Variants in KCND2 observed in about 807,000 individuals in gnomAD.
KCND2 encodes potassium voltage-gated channel subfamily D member 2, also known as A-type voltage-gated potassium channel KCND2.
KCND2 carries 16 observed loss-of-function variants against 54.4 expected under a neutral mutation model. The observed-to-expected ratio is 0.29, with a 90% CI of 0.20 to 0.45. The LOEUF (loss-of-function observed/expected upper bound fraction) is 0.45. Among genes scored for constraint, KCND2 ranks in the 20% least tolerant of loss-of-function variants. KCND2 has a pLI of 1.00. For synonymous variants in KCND2, 317 were observed against 310.7 expected (o/e 1.02, Z -0.21); for missense variants, 486 against 824.2 (o/e 0.59, Z 5.02).
Position 120,275,085 on chromosome 7 carries a change from C to T in KCND2, c.453C>T (p.Asp151=). 6.2e-7 allele frequency: 1 copy of T among 1,613,798 alleles called. No homozygotes were observed. The highest frequency in any genetic ancestry group is 8.5e-7 in the Non-Finnish European group (1 of 1,179,950). ...AGAACGCCGAGCGCCTGCAGGACGACGCGGATACCGACACCGCTGGGGAGA... is the reference window on the plus strand; with the variant it reads ...AGAACGCCGAGCGCCTGCAGGACGATGCGGATACCGACACCGCTGGGGAGA... The part of the protein sequence containing the change: ...RRENAERLQD[D]ADTDTAGESA... The change falls in exon 1 of 6, where the codon GAC becomes GAT. Residue 151 remains aspartate, a synonymous_variant. Coordinates refer to ENST00000331113, the MANE Select transcript of KCND2 (RefSeq NM_012281.3).
At chr7:120,435,270 CTT>C (rs533084445) in intron 1 of KCND2, among the ~76,000 whole-genome samples, 50 of 132,806 alleles carry the variant, frequency 3.8e-4, no homozygotes, top group South Asian at 4.9e-4. Context: ...CCATGCCTGG[CTT>C]TTTTTTTTTT....
intron 1 of KCND2, among the ~76,000 whole-genome samples, chr7:120,635,601 C>G (rs535197069): frequency 7.1e-4 from 108 of 152,272 alleles, no homozygotes; most frequent in Non-Finnish European, 1.4e-3. Context: ...CTCTGAAACA[C>G]ATATGTATCC....
At chr7:120,409,979 A>AATCT (rs1364638632) in intron 1 of KCND2, among the ~76,000 whole-genome samples, 1 of 151,830 alleles carries the variant, frequency 6.6e-6, no homozygotes, top group Non-Finnish European at 1.5e-5. Flanking sequence ...AAGTCACATA[A>AATCT]ATCTATGTTT....
At chr7:120,295,117 C>G (rs1175316686) in intron 1 of KCND2, among the ~76,000 whole-genome samples, 1 of 151,840 alleles carries the variant, frequency 6.6e-6, no homozygotes, top group Non-Finnish European at 1.5e-5. Flanking sequence ...AGTAAGAATT[C>G]GTATTGATGC....
At chr7:120,654,079 A>G (rs940836252) in intron 1 of KCND2, among the ~76,000 whole-genome samples, 2 of 152,290 alleles carry the variant, frequency 1.3e-5, no homozygotes, top group Non-Finnish European at 2.9e-5. Flanking sequence ...ATTATTTGCA[A>G]TGATGATAAT....
intron 1 of KCND2, among the ~76,000 whole-genome samples, chr7:120,347,083 T>C (rs181333147): frequency 6.6e-6 from 1 of 152,274 alleles, no homozygotes; most frequent in Non-Finnish European, 1.5e-5. Context: ...AACATTTACC[T>C]TAACAGTTAA....
chr7:120,340,436 T>C (rs1800224189), intron 1 of KCND2, among the ~76,000 whole-genome samples: 1 of 152,162 alleles, frequency 6.6e-6, no homozygotes, highest in African/African-American at 2.4e-5. Flanking sequence ...GAAAGAATCT[T>C]AGTGGAGTAA....
intron 1 of KCND2, among the ~76,000 whole-genome samples, chr7:120,678,214 C>T (rs1324563572): frequency 6.6e-6 from 1 of 151,530 alleles, no homozygotes; most frequent in East Asian, 1.9e-4. Context: ...ACATCGCTTA[C>T]ATTTATACTA....
chr7:120,523,283 A>G (rs911481180), intron 1 of KCND2, among the ~76,000 whole-genome samples: 6 of 152,294 alleles, frequency 3.9e-5, no homozygotes, highest in African/African-American at 1.4e-4. Context: ...AAATAATTTT[A>G]TGCAAAAATA....
chr7:120,562,597 T>G (rs1339422276), intron 1 of KCND2, among the ~76,000 whole-genome samples: 1 of 152,178 alleles, frequency 6.6e-6, no homozygotes, highest in Non-Finnish European at 1.5e-5. Flanking sequence ...TCTTCATGTT[T>G]GTATAAAAGA....
intron 1 of KCND2, among the ~76,000 whole-genome samples, chr7:120,586,182 C>T (rs1021231492): frequency 2.0e-5 from 3 of 151,770 alleles, no homozygotes; most frequent in Non-Finnish European, 4.4e-5. Context: ...CACACACACA[C>T]AAACACACAC....
At chr7:120,478,113 T>C (rs561741255) in intron 1 of KCND2, among the ~76,000 whole-genome samples, 1 of 152,286 alleles carries the variant, frequency 6.6e-6, no homozygotes, top group South Asian at 2.1e-4. Flanking sequence ...TTTGGAGTAA[T>C]TTGGAGCAAA....
chr7:120,434,818 G>GAA (rs57286411), intron 1 of KCND2, among the ~76,000 whole-genome samples: 2 of 147,350 alleles, frequency 1.4e-5, no homozygotes, highest in South Asian at 2.2e-4. Context: ...GATCCTAGAG[G>GAA]AAAAAAAAAA....
intron 1 of KCND2, among the ~76,000 whole-genome samples, chr7:120,685,977 A>C (rs927766140): frequency 4.1e-4 from 63 of 152,298 alleles, no homozygotes; most frequent in Middle Eastern, 6.8e-3. Flanking sequence ...CAAGTGACTG[A>C]AGATCCTCCC....
intron 1 of KCND2, among the ~76,000 whole-genome samples, chr7:120,347,041 C>CTT (rs374060282): frequency 2.2e-4 from 33 of 148,064 alleles, no homozygotes; most frequent in African/African-American, 8.2e-4. Flanking sequence ...TCTCATGGCT[C>CTT]TTTTTTTTTT....
intron 1 of KCND2, among the ~76,000 whole-genome samples, chr7:120,599,246 A>G (rs539756747): frequency 6.6e-6 from 1 of 152,116 alleles, no homozygotes; most frequent in Non-Finnish European, 1.5e-5. Flanking sequence ...GTCTTGAAAT[A>G]AGATGAATTC....
At chr7:120,426,592 T>G (rs373964522) in intron 1 of KCND2, among the ~76,000 whole-genome samples, 7 of 143,336 alleles carry the variant, frequency 4.9e-5, no homozygotes, top group South Asian at 2.2e-4. Flanking sequence ...TTCTTTGTTT[T>G]TTTTTTTTTT....
intron 1 of KCND2, among the ~76,000 whole-genome samples, chr7:120,715,999 A>G (rs1792597618): frequency 1.4e-5 from 2 of 146,068 alleles, no homozygotes; most frequent in Middle Eastern, 3.4e-3. Flanking sequence ...TCACTCAGAC[A>G]AATAATTAGC....
intron 1 of KCND2, among the ~76,000 whole-genome samples, chr7:120,545,475 T>C (rs535491436): frequency 6.6e-6 from 1 of 152,048 alleles, no homozygotes; most frequent in African/African-American, 2.4e-5. Context: ...AGTAAAATCT[T>C]CTTTTCTGAT....
Sources: gnomAD v4.1 joint callset for allele counts (sites outside exome capture counted in the v4.1 genomes callset) on GRCh38, gnomAD v4.1.1 for gene constraint, MANE v1.5 for transcripts, NCBI Gene and HGNC (gene_info 2026-07-23, HGNC 2026-07-21) for gene names.